The following BICRA variants were observed in gnomAD, a reference collection of about 807,000 sequenced individuals.
BICRA encodes BRD4 interacting chromatin remodeling complex associated protein.
In BICRA, 31 loss-of-function variants were observed where a neutral mutation model predicts 96.9. The ratio of observed to expected loss-of-function variants is 0.32; its 90% CI spans 0.24 to 0.43. The LOEUF is 0.43. Ranked by LOEUF, BICRA falls within the 20% of genes least tolerant of loss-of-function variation. BICRA has a pLI of 1.00. For synonymous variants in BICRA, 1,350 were observed against 1,071.8 expected (o/e 1.26, Z -5.07); for missense variants, 2,283 against 2,190.3 (o/e 1.04, Z -0.84).
chr19:47,639,955 C>G (rs2123533809), intron 1 of BICRA, among the ~76,000 whole-genome samples: 1 of 152,250 alleles, frequency 6.6e-6, no homozygotes, highest in East Asian at 1.9e-4. Flanking sequence ...GCTGTTCTTT[C>G]TAACAACATA....
At chr19:47,650,928 C>A (rs1276675384) in intron 1 of BICRA, among the ~76,000 whole-genome samples, 1 of 152,194 alleles carries the variant, frequency 6.6e-6, no homozygotes, top group Non-Finnish European at 1.5e-5. Context: ...TTGACACCAT[C>A]TGCCTGGCCC....
chr19:47,695,508 AC>A, intron 10 of BICRA, 34 bp downstream of exon 10: 1 of 1,014,892 alleles, frequency 9.9e-7, no homozygotes. Context: ...TCAGGACAGG[AC>A]CAGGAGTCTT....
intron 1 of BICRA, among the ~76,000 whole-genome samples, chr19:47,644,712 G>A (rs1260086506): frequency 3.3e-5 from 5 of 152,012 alleles, no homozygotes; most frequent in Non-Finnish European, 1.5e-5. Context: ...TGTTGGCCAG[G>A]CTGGTCTCAA....
Position 47,681,248 on chromosome 19 carries a change from A to T in BICRA, c.2078A>T (p.Gln693Leu). The T allele has an allele frequency of 6.5e-7, 1 of 1,538,934 alleles. No homozygotes were observed. Among genetic ancestry groups the T allele is most frequent in the Non-Finnish European group, 8.7e-7 (1 of 1,148,196 alleles). Residue 693 changes from glutamine (Q) to leucine (L), a missense_variant, in exon 6 of 15, where the codon CAG becomes CTG. Physicochemically the swap from Gln to Leu is moderately radical, Grantham distance 113 (BLOSUM62 -2). Coordinates refer to ENST00000594866, the MANE Select transcript of BICRA (RefSeq NM_001394372.1). ...GCCACCCCCACGGCCATCCTCACTC[A>T]GGACTCCCTGCAGATGTTCCTGCCC... ...PSATPTAILT[Q>L]DSLQMFLPQE...
At chr19:47,629,534 C>T (rs193052955) in intron 1 of BICRA, among the ~76,000 whole-genome samples, 5 of 152,344 alleles carry the variant, frequency 3.3e-5, no homozygotes, top group Non-Finnish European at 7.3e-5. Context: ...GAATAATATT[C>T]CGTTGCATGA....
chr19:47,616,660 A>T (rs922370673), intron 1 of BICRA, among the ~76,000 whole-genome samples: 10 of 151,572 alleles, frequency 6.6e-5, no homozygotes, highest in Admixed American at 2.6e-4. Context: ...AAGGAAGACA[A>T]TGCCCAAATA....
At chr19:47,676,979 G>T (rs1444248693) in intron 5 of BICRA, among the ~76,000 whole-genome samples, 1 of 152,106 alleles carries the variant, frequency 6.6e-6, no homozygotes, top group Non-Finnish European at 1.5e-5. Flanking sequence ...AGCTCAGGGG[G>T]TTACAGTGGC....
At chr19:47,684,231 G>T (rs1973111004) in intron 7 of BICRA, among the ~76,000 whole-genome samples, 1 of 152,188 alleles carries the variant, frequency 6.6e-6, no homozygotes, top group African/African-American at 2.4e-5. Flanking sequence ...CGCCTAGGCT[G>T]CAGTGCAGTG....
In BICRA at chr19:47,621,633, C is replaced by T. The variant is rs139195162; in HGVS notation, c.-108+12465C>T. Among the ~76,000 whole-genome samples the T allele has an allele frequency of 5.8e-3, 872 of 150,898 alleles. 6 individuals carry two copies. The highest frequency in any genetic ancestry group is 0.02 in the African/African-American group (838 of 41,096). On this transcript the variant is annotated intron_variant, in intron 1 of 14. Transcript: ENST00000594866. ...GGATTACGGGCACATGCCACCACAC[C>T]CGGCTGATTTTTGTATTTTTAGTAG...
intron 1 of BICRA, among the ~76,000 whole-genome samples, chr19:47,645,871 C>T (rs1324228005): frequency 6.6e-6 from 1 of 152,100 alleles, no homozygotes; most frequent in Non-Finnish European, 1.5e-5. Context: ...CTGAGGCAGG[C>T]AGATTGCTTG....
rs73940896 is a variant in BICRA, at chr19:47,612,755, C to T, written c.-108+3587C>T. 7.1e-3 allele frequency among the ~76,000 whole-genome samples: 1,076 copies of T among 152,092 alleles called. 22 individuals are homozygous for T. The highest frequency in any genetic ancestry group is 0.024 in the African/African-American group (1,002 of 41,470). On this transcript the variant is annotated intron_variant, in intron 1 of 14. Coordinates refer to ENST00000594866, the MANE Select transcript of BICRA (RefSeq NM_001394372.1). Reference sequence around the variant, plus strand: ...GGCCAGGGGAAGCATGTTCCACGGCCGAGCTGGGACTCCAAGCCAGACGGC... The same window carrying T: ...GGCCAGGGGAAGCATGTTCCACGGCTGAGCTGGGACTCCAAGCCAGACGGC...
intron 1 of BICRA, among the ~76,000 whole-genome samples, chr19:47,653,448 C>T (rs1306118282): frequency 6.6e-6 from 1 of 152,032 alleles, no homozygotes; most frequent in Non-Finnish European, 1.5e-5. Context: ...CAGACATCAC[C>T]ACAATCCATT....
chr19:47,648,686 T>G (rs2334281), intron 1 of BICRA, among the ~76,000 whole-genome samples: 3,402 of 149,544 alleles, frequency 0.023, 111 homozygotes, highest in African/African-American at 0.075. Context: ...TTTGTTTGTT[T>G]TTTTTTTTTT....
At chr19:47,608,282 G>A (rs994623044), upstream of BICRA, 5 of 152,242 alleles carry the variant, frequency 3.3e-5, no homozygotes, top group African/African-American at 9.6e-5. Context: ...GACCAGCTAG[G>A]GTGAGTGATC....
rs578082626 is a variant in BICRA at position 47,636,229 on chromosome 19, CAG to C, written c.-108+27064_-108+27065del. ...CTCAACCTGTATTATTATTTTGAGA[CAG>C]AGCGTTGCTCTGTTGCCCAGTCTGG... On this transcript the variant is annotated intron_variant, in intron 1 of 14. Transcript: ENST00000594866. Among the ~76,000 whole-genome samples, 24 of 152,298 alleles carry C rather than the reference CAG, an allele frequency of 1.6e-4. No homozygotes were observed. In the East Asian group the frequency reaches 4.6e-3, roughly 29 times the overall value.
chr19:47,625,170 T>G (rs1378958501), intron 1 of BICRA, among the ~76,000 whole-genome samples: 1 of 151,816 alleles, frequency 6.6e-6, no homozygotes, highest in Non-Finnish European at 1.5e-5. Context: ...CAGCTAATTT[T>G]TGTATTTTTA....
At chr19:47,673,010 G>T (rs1460921697) in intron 2 of BICRA, among the ~76,000 whole-genome samples, 1 of 152,052 alleles carries the variant, frequency 6.6e-6, no homozygotes, top group African/African-American at 2.4e-5. Context: ...CCAGAGCCTT[G>T]AGCCACAAAG....
chr19:47,646,362 C>T (rs888651458), intron 1 of BICRA, among the ~76,000 whole-genome samples: 1 of 152,160 alleles, frequency 6.6e-6, no homozygotes, highest in Non-Finnish European at 1.5e-5. Context: ...CAGAAATCGC[C>T]AGCCCCTCGT....
In BICRA at chr19:47,701,235, A is replaced by G. The variant is rs1973436396; in HGVS notation, c.3596-93A>G. On this transcript the variant is annotated intron_variant, in intron 14 of 14. Transcript: ENST00000594866. The surrounding 1 kb of genome is among the most constrained non-coding windows in gnomAD (Gnocchi z 5.4). Reference sequence around the variant, plus strand: ...TCCAGGGTGCAGTCTGGTGCCTGGCAGGTAGTAGGTGCTCACTGCACACAG... The same window carrying G: ...TCCAGGGTGCAGTCTGGTGCCTGGCGGGTAGTAGGTGCTCACTGCACACAG... 2 of 821,360 alleles carry G rather than the reference A, an allele frequency of 2.4e-6. No homozygotes were observed. The highest frequency in any genetic ancestry group is 2.2e-5 in the Admixed American group (1 of 45,166). The allele number at this position is 821,360 out of a possible 1,614,324, so 50.9% of individuals were successfully genotyped here. A position where few individuals can be genotyped will look rare whatever the true frequency, so the allele number is the denominator to read the frequency against.
Sources: gnomAD v4.1 joint callset for allele counts (sites outside exome capture counted in the v4.1 genomes callset) on GRCh38, gnomAD v4.1.1 for gene constraint, Gnocchi (gnomAD v3.1) non-coding constraint, MANE v1.5 for transcripts, NCBI Gene and HGNC (gene_info 2026-07-23, HGNC 2026-07-21) for gene names.